PDS5B: variants seen among roughly 807,000 people sequenced by gnomAD.
PDS5B encodes the protein sister chromatid cohesion protein PDS5 homolog B.
Under a neutral mutation model 184.1 loss-of-function variants are expected in PDS5B, and 51 were observed. The observed-to-expected ratio is 0.28, with a 90% CI of 0.22 to 0.35. PDS5B has a LOEUF of 0.35. Among genes scored for constraint, PDS5B ranks in the 10% least tolerant of loss-of-function variants. The probability of loss-of-function intolerance (pLI) is 1.00; values close to 1 mark genes in which losing one functional copy is unlikely to be tolerated. For missense variants in PDS5B, 1,180 were observed against 1,723.3 expected, an observed-to-expected ratio of 0.68 and a Z score of 5.58; for synonymous variants, 566 against 569.2, an observed-to-expected ratio of 0.99 and a Z score of 0.08.
intron 10 of PDS5B, 151 bp downstream of exon 10, chr13:32,679,080 ATTTTT>A (rs1193182357): frequency 5.5e-6 from 2 of 362,302 alleles, no homozygotes; most frequent in Admixed American, 9.0e-5. Context: ...CTGAAGCTAG[ATTTTT>A]TTTTTTTTTT....
chr13:32,685,453 GATC>G (rs1227923330), intron 11 of PDS5B, among the ~76,000 whole-genome samples: 1 of 152,002 alleles, frequency 6.6e-6, no homozygotes, highest in Admixed American at 6.6e-5. Context: ...GTATATTTTT[GATC>G]ATCATGTTAT....
At chr13:32,745,276 A>G (rs764693136) in intron 23 of PDS5B, among the ~76,000 whole-genome samples, 36 of 152,222 alleles carry the variant, frequency 2.4e-4, no homozygotes, top group Non-Finnish European at 4.3e-4. Flanking sequence ...TGCCTCATCT[A>G]TATATAAACA....
chr13:32,606,714 T>C (rs563581814), intron 1 of PDS5B, among the ~76,000 whole-genome samples: 3 of 152,370 alleles, frequency 2.0e-5, no homozygotes, highest in South Asian at 4.1e-4. Context: ...GAATCAGATG[T>C]AGATTTGGTC....
In PDS5B at chr13:32,758,630, C is replaced by T. The variant is rs1390184939; in HGVS notation, c.3286C>T (p.Arg1096Cys). The T allele has an allele frequency of 3.7e-6, 6 of 1,613,598 alleles. No homozygotes were observed. The highest frequency in any genetic ancestry group is 1.1e-5 in the South Asian group (1 of 91,052). ...ESPKDPVLPA[R>C]FFTQPDKNFS... ...TCCTAAAGACCCGGTACTACCAGCT[C>T]GTTTCTTCACTCAACCTGACAAGGT... The change falls in exon 28 of 35, where the codon CGT becomes TGT. Residue 1096 changes from arginine (R) to cysteine (C), a missense_variant. By Grantham distance (180) the Arg-to-Cys change is radical. Coordinates refer to ENST00000315596, the MANE Select transcript of PDS5B (RefSeq NM_015032.4).
intron 15 of PDS5B, among the ~76,000 whole-genome samples, chr13:32,698,889 A>G (rs1205345790): frequency 6.6e-6 from 1 of 151,970 alleles, no homozygotes; most frequent in Non-Finnish European, 1.5e-5. Context: ...AGTAGCTGGG[A>G]TTACAGTCAC....
At chr13:32,674,872 G>A (rs578126009) in intron 8 of PDS5B, among the ~76,000 whole-genome samples, 1 of 150,716 alleles carries the variant, frequency 6.6e-6, no homozygotes, top group Non-Finnish European at 1.5e-5. Flanking sequence ...AGAAATAGCT[G>A]TCCAGGCACT....
rs776789459 is a variant in PDS5B at position 32,758,617 on chromosome 13, G to A, written c.3273G>A (p.Pro1091=). Residue 1091 remains proline, a synonymous_variant, in exon 28 of 35, where the codon CCG becomes CCA. Transcript: ENST00000315596. ...ACAGTTTGGAATCTCCTAAAGACCC[G>A]GTACTACCAGCTCGTTTCTTCACTC... ...TTYSLESPKD[P]VLPARFFTQP... is the part of the protein sequence containing the mutation. 22 of 1,613,192 alleles carry A rather than the reference G, an allele frequency of 1.4e-5. No individual in the cohort carries two copies. The highest frequency in any genetic ancestry group is 1.2e-4 in the Admixed American group (7 of 59,974).
At chr13:32,587,171 C>T (rs1216773237) in intron 1 of PDS5B, among the ~76,000 whole-genome samples, 2 of 149,646 alleles carry the variant, frequency 1.3e-5, no homozygotes, top group African/African-American at 2.4e-5. Flanking sequence ...GCGCTCTCGC[C>T]CCCGCCGCCG....
intron 1 of PDS5B, among the ~76,000 whole-genome samples, chr13:32,613,248 T>A (rs1452220896): frequency 6.6e-6 from 1 of 152,272 alleles, no homozygotes; most frequent in Non-Finnish European, 1.5e-5. Context: ...CTCTTGGGTA[T>A]AAACATAGGA....
At chr13:32,724,561 TTG>T (rs1952832947) in intron 19 of PDS5B, among the ~76,000 whole-genome samples, 1 of 152,072 alleles carries the variant, frequency 6.6e-6, no homozygotes, top group South Asian at 2.1e-4. Flanking sequence ...TAGACATAAT[TTG>T]ATAGGTTCTT....
intron 9 of PDS5B, among the ~76,000 whole-genome samples, chr13:32,677,638 A>C (rs1005443063): frequency 6.6e-6 from 1 of 151,912 alleles, no homozygotes; most frequent in Non-Finnish European, 1.5e-5. Context: ...GCTAGATTTT[A>C]TAACTTTTGG....
At chr13:32,682,002 A>C (rs148016896) in intron 10 of PDS5B, among the ~76,000 whole-genome samples, 1 of 152,204 alleles carries the variant, frequency 6.6e-6, no homozygotes, top group African/African-American at 2.4e-5. Context: ...TTTGGATATG[A>C]CATACAGAGA....
intron 19 of PDS5B, among the ~76,000 whole-genome samples, chr13:32,721,396 C>G (rs1198696816): frequency 2.0e-5 from 3 of 151,994 alleles, no homozygotes; most frequent in African/African-American, 7.2e-5. Flanking sequence ...GGGTGCCCCT[C>G]ACTTCCCAGA....
chr13:32,611,534 G>A (rs1057297945), intron 1 of PDS5B, among the ~76,000 whole-genome samples: 13 of 140,738 alleles, frequency 9.2e-5, no homozygotes, highest in Non-Finnish European at 2.0e-4. Flanking sequence ...TGGAGACCAG[G>A]TCTTGTTCTG....
chr13:32,652,599 A>AAAG (rs987117384), intron 3 of PDS5B: 5 of 138,874 alleles, frequency 3.6e-5, no homozygotes, highest in African/African-American at 1.3e-4. Flanking sequence ...AAAAAAAAAA[A>AAAG]AGGAAATTAG....
chr13:32,619,932 G>A (rs975715028), intron 1 of PDS5B, among the ~76,000 whole-genome samples: 1 of 151,978 alleles, frequency 6.6e-6, no homozygotes, highest in African/African-American at 2.4e-5. Context: ...CCTCGTAGCT[G>A]GGATTACAGG....
chr13:32,680,182 G>T (rs867742264), intron 10 of PDS5B, among the ~76,000 whole-genome samples: 4 of 151,922 alleles, frequency 2.6e-5, no homozygotes, highest in Non-Finnish European at 4.4e-5. Flanking sequence ...GATTAAGAGT[G>T]GGGGGGCTAA....
intron 19 of PDS5B, among the ~76,000 whole-genome samples, chr13:32,722,764 A>G (rs1201753391): frequency 1.3e-5 from 2 of 152,216 alleles, no homozygotes; most frequent in African/African-American, 2.4e-5. Flanking sequence ...AGCTGGTGGG[A>G]TAATTGGGAA....
At chr13:32,745,522 G>C (rs1953711862) in intron 23 of PDS5B, among the ~76,000 whole-genome samples, 1 of 152,142 alleles carries the variant, frequency 6.6e-6, no homozygotes, top group African/African-American at 2.4e-5. Context: ...TTCTGTATTA[G>C]CCTGCTCAGA....
Sources: allele counts gnomAD v4.1 joint callset (sites outside exome capture counted in the v4.1 genomes callset), GRCh38; gene constraint gnomAD v4.1.1; transcripts MANE v1.5; gene names NCBI Gene and HGNC (gene_info 2026-07-23, HGNC 2026-07-21).